Variants in PPP1R1C observed in about 807,000 individuals in gnomAD.
The protein encoded by PPP1R1C is protein phosphatase 1 regulatory subunit 1C.
Under a neutral mutation model 17.4 loss-of-function variants are expected in PPP1R1C, and 15 were observed. The observed-to-expected ratio is 0.86, with a 90% CI of 0.58 to 1.33. The LOEUF is 1.33. Ranked by LOEUF, PPP1R1C falls within the 40% of genes most tolerant of loss-of-function variation. The probability of loss-of-function intolerance (pLI) is 0.00; values close to 1 mark genes in which losing one functional copy is unlikely to be tolerated. For synonymous variants in PPP1R1C, 35 were observed against 43.1 expected, an observed-to-expected ratio of 0.81 and a Z score of 0.73; for missense variants, 143 against 130.0, an observed-to-expected ratio of 1.10 and a Z score of -0.48.
intron 2 of PPP1R1C, among the ~76,000 whole-genome samples, chr2:182,019,755 T>A (rs1351423355): frequency 3.3e-5 from 5 of 152,200 alleles, no homozygotes; most frequent in Admixed American, 1.3e-4. Context: ...AAACACAGAA[T>A]TTTTATGAAA....
At chr2:182,096,446 G>C (rs1470169370) in intron 4 of PPP1R1C, among the ~76,000 whole-genome samples, 1 of 150,016 alleles carries the variant, frequency 6.7e-6, no homozygotes, top group Admixed American at 6.6e-5. Flanking sequence ...TTCTGAGTCC[G>C]TACACGGCTT....
chr2:182,066,955 T>TGA (rs1331335271), intron 4 of PPP1R1C, among the ~76,000 whole-genome samples: 1 of 65,972 alleles, frequency 1.5e-5, no homozygotes, highest in South Asian at 4.3e-4. Context: ...TGTGTGTCTG[T>TGA]GTGTGTGTGT....
At chr2:181,956,727 A>G (rs565495168) in intron 1 of PPP1R1C, among the ~76,000 whole-genome samples, 2 of 152,252 alleles carry the variant, frequency 1.3e-5, no homozygotes, top group Admixed American at 6.5e-5. Flanking sequence ...CCTTCATGTT[A>G]CAGTTTCTTT....
chr2:181,960,252 C>T (rs1384941046), intron 1 of PPP1R1C, among the ~76,000 whole-genome samples: 4 of 152,108 alleles, frequency 2.6e-5, no homozygotes, highest in Non-Finnish European at 5.9e-5. Context: ...AGAAGATCTG[C>T]TTATAAATTA....
At chr2:181,996,927 A>T (rs1685627284) in intron 2 of PPP1R1C, among the ~76,000 whole-genome samples, 1 of 152,222 alleles carries the variant, frequency 6.6e-6, no homozygotes, top group South Asian at 2.1e-4. Context: ...TAAATAACAG[A>T]GTATTAGAAG....
chr2:181,972,366 C>T (rs1340852989), intron 1 of PPP1R1C, among the ~76,000 whole-genome samples: 2 of 152,158 alleles, frequency 1.3e-5, no homozygotes, highest in Non-Finnish European at 2.9e-5. Flanking sequence ...GATGATTTCA[C>T]TGTGGCAGAT....
At chr2:181,995,072 T>A (rs1329573765) in intron 2 of PPP1R1C, among the ~76,000 whole-genome samples, 1 of 152,186 alleles carries the variant, frequency 6.6e-6, no homozygotes, top group African/African-American at 2.4e-5. Flanking sequence ...AACAGGTAAA[T>A]TAATTATCAA....
chr2:182,074,616 C>A (rs1688240181), intron 4 of PPP1R1C, among the ~76,000 whole-genome samples: 1 of 152,158 alleles, frequency 6.6e-6, no homozygotes, highest in South Asian at 2.1e-4. Context: ...CTTAAGATTA[C>A]ATTCTTCACA....
At chr2:182,017,170 A>G (rs1370390638) in intron 2 of PPP1R1C, among the ~76,000 whole-genome samples, 2 of 152,186 alleles carry the variant, frequency 1.3e-5, no homozygotes, top group Non-Finnish European at 2.9e-5. Flanking sequence ...TTATTTATGC[A>G]TGTATTAAGT....
At chr2:181,982,016 C>G (rs779905642), upstream of PPP1R1C, among the ~76,000 whole-genome samples, 3 of 152,090 alleles carry the variant, frequency 2.0e-5, no homozygotes, top group Non-Finnish European at 2.9e-5. Flanking sequence ...TAAACAAAGT[C>G]ACGTCTCATA....
chr2:181,986,140 G>T lies in PPP1R1C; in HGVS notation c.30G>T (p.Gln10His). MEPNSPKKI[Q>H]FAVPVFQSQI... ...AGCCCAACAGTCCCAAAAAGATACA[G>T]TTTGCCGTGCCTGTATTCCAGAGTC... The change falls in exon 1 of 5, where the codon CAG becomes CAT. Residue 10 changes from glutamine (Q) to histidine (H), a missense_variant. Coordinates refer to ENST00000682840, the MANE Select transcript of PPP1R1C (RefSeq NM_001080545.3). 4 of 1,613,826 alleles carry T rather than the reference G, an allele frequency of 2.5e-6. No homozygotes were observed. The highest frequency in any genetic ancestry group is 3.4e-6 in the Non-Finnish European group (4 of 1,179,760).
intron 4 of PPP1R1C, among the ~76,000 whole-genome samples, chr2:182,089,140 AT>A (rs1219981022): frequency 1.3e-5 from 2 of 152,118 alleles, no homozygotes; most frequent in African/African-American, 2.4e-5. Flanking sequence ...CTGTTCAAGA[AT>A]TTTTTTCAAA....
intron 2 of PPP1R1C, among the ~76,000 whole-genome samples, chr2:182,046,120 CCTTCCTTCCTTCCTTCCTT>C (rs1455191945): frequency 7.8e-5 from 4 of 51,172 alleles, no homozygotes; most frequent in East Asian, 4.9e-4. Flanking sequence ...TTCCTTCCTT[CCTTCCTTCCTTCCTTCCTT>C]CTTCCTTCCT....
intron 2 of PPP1R1C, among the ~76,000 whole-genome samples, chr2:182,025,762 T>C (rs1466008132): frequency 1.4e-5 from 2 of 144,598 alleles, no homozygotes. Context: ...TTTCTAGTTC[T>C]AGATCCCTGA....
At position 182,067,307 on chromosome 2, in the gene PPP1R1C, G is replaced by A. The variant is rs145443455; in HGVS notation, c.241+3516G>A. Among the ~76,000 whole-genome samples, 110 of 151,364 alleles carry A rather than the reference G, an allele frequency of 7.3e-4. No homozygotes were observed. The East Asian group carries it at 0.02, about 28-fold the overall frequency. On this transcript the variant is annotated intron_variant, in intron 4 of 4. Transcript: ENST00000682840. ...ATGCTTACAGCATTTTAACACTGAA[G>A]CTTTTTTTTTTCTCCAAGGATGGCT...
rs149473832 is a variant in PPP1R1C at position 182,082,291 on chromosome 2, G to C, written c.241+18500G>C. 5.6e-3 allele frequency among the ~76,000 whole-genome samples: 852 copies of C among 152,296 alleles called. 28 individuals carry two copies. Among genetic ancestry groups the C allele is most frequent in the Admixed American group, 0.051 (787 of 15,298 alleles). ...AAGTGATAGAACTTAGGTAAACAGA[G>C]GGGATGCATTTAGGATAATATTTTC... On this transcript the variant is annotated intron_variant, in intron 4 of 4. Transcript: ENST00000682840.
chr2:182,126,198 C>T (rs1689869082), intron 5 of PPP1R1C, among the ~76,000 whole-genome samples: 1 of 151,742 alleles, frequency 6.6e-6, no homozygotes, highest in South Asian at 2.1e-4. Flanking sequence ...TTTTTGGCCA[C>T]TATCAAAAAG....
intron 4 of PPP1R1C, among the ~76,000 whole-genome samples, chr2:182,082,470 G>A (rs1688509104): frequency 6.6e-6 from 1 of 152,072 alleles, no homozygotes; most frequent in Non-Finnish European, 1.5e-5. Context: ...AAGGTCAAAC[G>A]GACAAGGTTT....
At chr2:182,089,597 G>T (rs1018032141) in intron 4 of PPP1R1C, among the ~76,000 whole-genome samples, 1 of 152,088 alleles carries the variant, frequency 6.6e-6, no homozygotes, top group Non-Finnish European at 1.5e-5. Context: ...TTTTATAAAT[G>T]CAAGCAGGTA....
Sources: gnomAD v4.1 joint callset for allele counts (sites outside exome capture counted in the v4.1 genomes callset) on GRCh38, gnomAD v4.1.1 for gene constraint, MANE v1.5 for transcripts, NCBI Gene and HGNC (gene_info 2026-07-23, HGNC 2026-07-21) for gene names.